CACNA2D1: variants seen among roughly 807,000 people sequenced by gnomAD.
The protein encoded by CACNA2D1 is calcium voltage-gated channel auxiliary subunit alpha2delta 1, also known as voltage-dependent calcium channel subunit alpha-2/delta-1.
Under a neutral mutation model 171.5 loss-of-function variants are expected in CACNA2D1, and 53 were observed. That is an observed-to-expected ratio of 0.31 (90% CI 0.25 to 0.39). CACNA2D1 has a LOEUF of 0.39. CACNA2D1 is among the 10% of genes least tolerant of loss of function. The pLI is 1.00. For synonymous variants in CACNA2D1, 442 were observed against 443.1 expected (o/e 1.00, Z 0.03); for missense variants, 903 against 1,299.8 (o/e 0.69, Z 4.69).
chr7:82,436,923 T>A (rs1830156991), intron 1 of CACNA2D1, among the ~76,000 whole-genome samples: 1 of 152,144 alleles, frequency 6.6e-6, no homozygotes, highest in African/African-American at 2.4e-5. Context: ...TCCCCTCTTT[T>A]CCCTAATTAT....
intron 2 of CACNA2D1, among the ~76,000 whole-genome samples, chr7:82,344,479 G>A (rs539627256): frequency 1.3e-3 from 203 of 152,200 alleles, no homozygotes; most frequent in Non-Finnish European, 2.4e-3. Context: ...AAGAAAAAAC[G>A]TTTTAATATC....
chr7:82,004,754 C>G (rs971840216), intron 18 of CACNA2D1, among the ~76,000 whole-genome samples: 1 of 152,028 alleles, frequency 6.6e-6, no homozygotes, highest in Admixed American at 6.6e-5. Flanking sequence ...GCTATTAATG[C>G]CCTGTGAAAC....
At chr7:81,970,798 G>A in intron 26 of CACNA2D1, 61 bp from the exon 27 acceptor site, 1 of 949,592 alleles carries the variant, frequency 1.1e-6, no homozygotes, top group East Asian at 2.4e-5. Context: ...AACAAAGTTA[G>A]GTGTTGGTGA....
chr7:82,166,394 G>A (rs1173857253), intron 4 of CACNA2D1, among the ~76,000 whole-genome samples: 1 of 151,968 alleles, frequency 6.6e-6, no homozygotes, highest in East Asian at 1.9e-4. Context: ...TGCCTGCACA[G>A]TAACAAGCTG....
chr7:82,030,120 A>G (rs1450415343), intron 12 of CACNA2D1, among the ~76,000 whole-genome samples: 1 of 151,816 alleles, frequency 6.6e-6, no homozygotes. Flanking sequence ...CTTTGTTTAA[A>G]AAGTTGAGCT....
chr7:82,164,936 T>C (rs141758620), intron 4 of CACNA2D1, among the ~76,000 whole-genome samples: 349 of 152,094 alleles, frequency 2.3e-3, no homozygotes, highest in African/African-American at 7.8e-3. Context: ...GCTAATGAAA[T>C]TGGAGTTCAA....
rs759968270 is a variant in CACNA2D1, at chr7:82,263,102, C to CTTT, written c.294+72030_294+72032dup. Among the ~76,000 whole-genome samples the CTTT allele has an allele frequency of 3.0e-3, 320 of 107,982 alleles. 24 individuals carry two copies. Among genetic ancestry groups the CTTT allele is most frequent in the African/African-American group, 8.5e-3 (232 of 27,190 alleles). 70.8% of individuals were successfully genotyped at this position (107,982 alleles called of 152,430 possible). On this transcript the variant is annotated intron_variant, in intron 3 of 38. Transcript: ENST00000356860. ...AAGGCTCCTATGTCACATAACACCA[C>CTTT]TTTTTTTTTTTTTTTTTTTTGAGAC...
chr7:82,407,794 A>G (rs556583236), intron 1 of CACNA2D1, among the ~76,000 whole-genome samples: 8 of 152,090 alleles, frequency 5.3e-5, no homozygotes, highest in Non-Finnish European at 1.2e-4. Context: ...TGTTCAATAA[A>G]TCATTTTTGA....
At chr7:82,242,452 A>G (rs1804416686) in intron 3 of CACNA2D1, among the ~76,000 whole-genome samples, 1 of 152,124 alleles carries the variant, frequency 6.6e-6, no homozygotes, top group Admixed American at 6.5e-5. Flanking sequence ...CAACTTCACT[A>G]CAGCTATTTT....
At chr7:81,979,833 T>G (rs185857892) in intron 24 of CACNA2D1, among the ~76,000 whole-genome samples, 1 of 152,212 alleles carries the variant, frequency 6.6e-6, no homozygotes, top group East Asian at 1.9e-4. Context: ...ATTCTTTATA[T>G]ATTTACAGAT....
intron 3 of CACNA2D1, among the ~76,000 whole-genome samples, chr7:82,203,643 G>C (rs781087134): frequency 1.3e-5 from 2 of 152,178 alleles, no homozygotes. Flanking sequence ...TGAGCTGCAC[G>C]TGCATGTGAC....
intron 3 of CACNA2D1, among the ~76,000 whole-genome samples, chr7:82,327,889 T>C (rs981119673): frequency 3.3e-5 from 5 of 152,216 alleles, no homozygotes; most frequent in African/African-American, 9.6e-5. Flanking sequence ...TGCAATGTCA[T>C]GCTTCTGAGG....
intron 38 of CACNA2D1, among the ~76,000 whole-genome samples, chr7:81,957,300 G>A (rs1793516330): frequency 6.6e-6 from 1 of 152,028 alleles, no homozygotes. Flanking sequence ...AAATGTACAT[G>A]CCATTTGAAA....
At chr7:82,224,388 C>A (rs924244798) in intron 3 of CACNA2D1, among the ~76,000 whole-genome samples, 1 of 151,994 alleles carries the variant, frequency 6.6e-6, no homozygotes, top group African/African-American at 2.4e-5. Context: ...GGAAACAAGA[C>A]CATCCTGGCC....
At chr7:82,031,008 G>A (rs902982126) in intron 12 of CACNA2D1, among the ~76,000 whole-genome samples, 1 of 151,866 alleles carries the variant, frequency 6.6e-6, no homozygotes, top group African/African-American at 2.4e-5. Context: ...TCCAACCTCT[G>A]TTACGTATTC....
In CACNA2D1 at chr7:82,132,654, G is replaced by A. The variant is rs574243858; in HGVS notation, c.396+3981C>T. On this transcript the variant is annotated intron_variant, in intron 5 of 38. Coordinates refer to ENST00000356860, the MANE Select transcript of CACNA2D1 (RefSeq NM_000722.4). Reference sequence around the variant, plus strand: ...GCTACACTGAGGAAAGCAGAGAATGGGGAGAAGAACCTTGAGGGCTGGAAA... The same window carrying A: ...GCTACACTGAGGAAAGCAGAGAATGAGGAGAAGAACCTTGAGGGCTGGAAA... 5.3e-5 allele frequency among the ~76,000 whole-genome samples: 8 copies of A among 152,258 alleles called. No individual in the cohort carries two copies. In the East Asian group the frequency reaches 1.4e-3, roughly 26 times the overall value.
chr7:82,385,861 C>T (rs1019293468), intron 1 of CACNA2D1, among the ~76,000 whole-genome samples: 46 of 152,140 alleles, frequency 3.0e-4, no homozygotes, highest in African/African-American at 1.1e-3. Context: ...GACGGGGTTT[C>T]ACCATGTTGG....
In CACNA2D1 at chr7:82,057,631, T is replaced by C. The variant is rs76589624; in HGVS notation, c.879+2797A>G. 2.9e-3 allele frequency among the ~76,000 whole-genome samples: 446 copies of C among 152,012 alleles called. 3 individuals carry two copies. The highest frequency in any genetic ancestry group is 0.011 in the African/African-American group (436 of 41,440). ...TTGACAAGAGGAATATCATGGGTGT[T>C]GCTGCTACATAATGGTAAGAGGGAA... On this transcript the variant is annotated intron_variant, in intron 10 of 38. Transcript: ENST00000356860.
At chr7:82,400,346 C>A (rs372665766) in intron 1 of CACNA2D1, among the ~76,000 whole-genome samples, 5 of 151,884 alleles carry the variant, frequency 3.3e-5, no homozygotes, top group African/African-American at 9.7e-5. Context: ...ATGGAATGTT[C>A]TTCCATTTGT....
Sources: gnomAD v4.1 joint callset for allele counts (sites outside exome capture counted in the v4.1 genomes callset) on GRCh38, gnomAD v4.1.1 for gene constraint, MANE v1.5 for transcripts, NCBI Gene and HGNC (gene_info 2026-07-23, HGNC 2026-07-21) for gene names.